The following AMHR2 variants were observed in gnomAD, a reference collection of about 807,000 sequenced individuals.
AMHR2 encodes the protein anti-Muellerian hormone type-2 receptor.
A neutral mutation model predicts 61.4 loss-of-function variants in AMHR2; 36 were observed. The observed-to-expected ratio is 0.59, with a 90% confidence interval of 0.45 to 0.77. AMHR2 has a LOEUF of 0.77. AMHR2 is among the 30% of genes least tolerant of loss of function. The pLI is 0.00. For synonymous variants in AMHR2, 258 were observed against 279.4 expected (o/e 0.92, Z 0.76); for missense variants, 638 against 714.6 (o/e 0.89, Z 1.22).
chr12:53,425,754 C>T lies in AMHR2; in HGVS notation c.687C>T (p.Ile229=). ...AGCTGCAAGGAAAACTGGTTGCCAT[C>T]AAGGCCTTCCCACCGAGGTCTGTGG... ...AGQLQGKLVA[I]KAFPPRSVAQ... The change falls in exon 6 of 11, where the codon ATC becomes ATT. Residue 229 remains isoleucine, a synonymous_variant. Coordinates refer to ENST00000257863, the MANE Select transcript of AMHR2 (RefSeq NM_020547.3). The T allele has an allele frequency of 6.2e-7, 1 of 1,614,140 alleles. No homozygotes were observed. Among genetic ancestry groups the T allele is most frequent in the East Asian group, 2.2e-5 (1 of 44,876 alleles).
chr12:53,430,766 G>A, intron 10 of AMHR2: 1 of 357,002 alleles, frequency 2.8e-6, no homozygotes, highest in South Asian at 2.8e-5. Flanking sequence ...CACAGTGAAA[G>A]TTCAGGGCTT....
rs553240253 is a variant in AMHR2 at position 53,424,399 on chromosome 12, G to A, written c.161G>A (p.Arg54His). 32 of 1,613,600 alleles carry A rather than the reference G, an allele frequency of 2.0e-5. No homozygotes were observed. Among genetic ancestry groups the A allele is most frequent in the African/African-American group, 6.7e-5 (5 of 75,020 alleles). The stretch of plus-strand genomic sequence containing the variant: ...GGCACAGAGCTCCCCAGAGCTATCC[G>A]CTGCCTCTACAGCCGCTGCTGCTTT... ...DTGTELPRAI[R>H]CLYSRCCFGI... The change falls in exon 2 of 11, where the codon CGC becomes CAC. Residue 54 changes from arginine (R) to histidine (H), a missense_variant. Physicochemically the swap from Arg to His is conservative, Grantham distance 29 (BLOSUM62 0). Coordinates refer to ENST00000257863, the MANE Select transcript of AMHR2 (RefSeq NM_020547.3).
chr12:53,425,012 G>A (rs1565831953), intron 3 of AMHR2, 112 bp downstream of exon 3: 1 of 1,562,738 alleles, frequency 6.4e-7, no homozygotes, highest in African/African-American at 1.4e-5. Flanking sequence ...TCCTCCTCCT[G>A]GCCTTGGGAA....
chr12:53,426,043 A>T, intron 6 of AMHR2, 124 bp downstream of exon 6: 1 of 1,085,330 alleles, frequency 9.2e-7, no homozygotes, highest in East Asian at 2.6e-5. Flanking sequence ...CTAAAACATT[A>T]AAAATGGCCA....
intron 6 of AMHR2, among the ~76,000 whole-genome samples, chr12:53,427,846 G>A (rs1939747574): frequency 6.6e-6 from 1 of 152,172 alleles, no homozygotes; most frequent in African/African-American, 2.4e-5. Context: ...TCATCATCGT[G>A]TCTATTGCCT....
rs767532300 is a variant in AMHR2 at position 53,429,428 on chromosome 12, C to T, written c.968-25C>T. 14 of 1,601,122 alleles carry T rather than the reference C, an allele frequency of 8.7e-6. No homozygotes were observed. The South Asian group carries it at 1.4e-4, about 16-fold the overall frequency. On this transcript the variant is annotated intron_variant, in intron 7 of 10. Coordinates refer to ENST00000257863, the MANE Select transcript of AMHR2 (RefSeq NM_020547.3). ...AAGAGGGAGGAAGAAAATCCATGTT[C>T]CTTCAACCTTGGATTCCCCCACAGG...
chr12:53,425,985 A>G, intron 6 of AMHR2, 66 bp downstream of exon 6: 2 of 1,469,188 alleles, frequency 1.4e-6, no homozygotes. Flanking sequence ...TGGGGGCTAC[A>G]TGGCAGCTGG....
intron 4 of AMHR2, 66 bp from the exon 5 acceptor site, chr12:53,425,389 C>T: frequency 1.2e-6 from 2 of 1,605,198 alleles, no homozygotes; most frequent in East Asian, 2.2e-5. Flanking sequence ...AGCTCCCTTT[C>T]CACGAAGTCC....
chr12:53,429,496 G>T lies in AMHR2; in HGVS notation c.1011G>T (p.Gln337His), dbSNP rs377172469. 3.7e-6 allele frequency: 6 copies of T among 1,613,780 alleles called. No homozygotes were observed. Among genetic ancestry groups the T allele is most frequent in the Admixed American group, 1.7e-5 (1 of 59,980 alleles). The change falls in exon 8 of 11, where the codon CAG becomes CAT. Residue 337 changes from glutamine (Q) to histidine (H), a missense_variant. Physicochemically the swap from Gln to His is conservative, Grantham distance 24. Transcript: ENST00000257863. ...TTGCCCACCGAGATCTGAGCAGCCA[G>T]AATGTGCTCATTCGGGAAGATGGAT... is the stretch of plus-strand genomic sequence containing the variant. ...PGIAHRDLSS[Q>H]NVLIREDGSC... is the part of the protein sequence containing the mutation.
intron 3 of AMHR2, 111 bp from the exon 4 acceptor site, chr12:53,425,054 G>C (rs557456960): frequency 3.1e-6 from 5 of 1,589,792 alleles, no homozygotes; most frequent in Non-Finnish European, 4.3e-6. Flanking sequence ...GAGATAAGGG[G>C]TCTTGTGACC....
chr12:53,428,360 G>A lies in AMHR2; in HGVS notation c.853-536G>A, dbSNP rs370723376. On this transcript the variant is annotated intron_variant, in intron 6 of 10. Coordinates refer to ENST00000257863, the MANE Select transcript of AMHR2 (RefSeq NM_020547.3). Reference sequence around the variant, plus strand: ...ACTCTGTTATCTACTGGCTCTGCCCGTCTATGTGTACACATGCCTGACACC... The same window carrying A: ...ACTCTGTTATCTACTGGCTCTGCCCATCTATGTGTACACATGCCTGACACC... Among the ~76,000 whole-genome samples the A allele has an allele frequency of 6.0e-4, 92 of 152,218 alleles. No homozygotes were observed. The East Asian group carries it at 8.3e-3, about 14-fold the overall frequency.
At chr12:53,429,710 G>A in intron 8 of AMHR2, 85 bp downstream of exon 8, 4 of 1,599,142 alleles carry the variant, frequency 2.5e-6, no homozygotes, top group Non-Finnish European at 1.7e-6. Flanking sequence ...AACAGTTGTA[G>A]CAATACCTAT....
rs1185895765 is a variant in AMHR2, at chr12:53,425,232, C to T, written c.492C>T (p.Ser164=). 2 of 1,613,706 alleles carry T rather than the reference C, an allele frequency of 1.2e-6. No individual in the cohort carries two copies. Among genetic ancestry groups the T allele is most frequent in the South Asian group, 1.1e-5 (1 of 91,080 alleles). The part of the protein sequence containing the change: ...LFLLLLLLLG[S]IILALLQRKN... ...TCCTCCTCCTGCTGCTGCTGGGCAG[C>T]ATCATCTTGGGTACTAATCCACCCC... Residue 164 remains serine, a synonymous_variant, in exon 4 of 11, where the codon AGC becomes AGT. Transcript: ENST00000257863.
chr12:53,424,130 G>C (rs973971659), intron 1 of AMHR2, 147 bp downstream of exon 1: 1 of 1,316,298 alleles, frequency 7.6e-7, no homozygotes, highest in Non-Finnish European at 1.1e-6. Context: ...CCATGGCAGG[G>C]CTCAGGTTCC....
chr12:53,430,324 G>A lies in AMHR2; in HGVS notation c.1425+42G>A. The stretch of plus-strand genomic sequence containing the variant: ...GTTGGTCTGGGAACCTGGAGAGTGG[G>A]GGCTGGGCATGGGCTTCAAGGACGT... On this transcript the variant is annotated intron_variant, in intron 10 of 10. Coordinates refer to ENST00000257863, the MANE Select transcript of AMHR2 (RefSeq NM_020547.3). 3 of 1,613,994 alleles carry A rather than the reference G, an allele frequency of 1.9e-6. No homozygotes were observed. In the Admixed American group the frequency reaches 5.0e-5, roughly 27 times the overall value.
At position 53,431,340 on chromosome 12, in the gene AMHR2, C is replaced by A; in HGVS notation, c.1589C>A (p.Pro530Gln). The A allele has an allele frequency of 6.2e-7, 1 of 1,614,236 alleles. No individual in the cohort carries two copies. The highest frequency in any genetic ancestry group is 8.5e-7 in the Non-Finnish European group (1 of 1,180,050). ...SCPRGCPPLC[P>Q]EDCTSIPAPT... Reference sequence around the variant, plus strand: ...CCACGTGGCTGCCCACCTCTCTGCCCAGAAGACTGTACTTCAATTCCTGCC... The same window carrying A: ...CCACGTGGCTGCCCACCTCTCTGCCAAGAAGACTGTACTTCAATTCCTGCC... The change falls in exon 11 of 11, where the codon CCA becomes CAA. Residue 530 changes from proline to glutamine, a missense_variant. By Grantham distance (76) the Pro-to-Gln change is moderately conservative. Coordinates refer to ENST00000257863, the MANE Select transcript of AMHR2 (RefSeq NM_020547.3).
chr12:53,424,023 C>G, intron 1 of AMHR2, 40 bp downstream of exon 1: 5 of 1,610,648 alleles, frequency 3.1e-6, no homozygotes, highest in Non-Finnish European at 3.4e-6. Flanking sequence ...CTCCATCCAT[C>G]CAGCAAGGGA....
At position 53,423,898 on chromosome 12, in the gene AMHR2, T is replaced by C. The variant is rs767078480; in HGVS notation, c.-37T>C. 1.9e-6 allele frequency: 3 copies of C among 1,613,108 alleles called. No homozygotes were observed. Among genetic ancestry groups the C allele is most frequent in the Non-Finnish European group, 8.5e-7 (1 of 1,179,308 alleles). ...GGCCAGGGGCAGCTGTGCTGGCTTA[T>C]GCTCTTCTCCTTCTGCTGCTGCCAT... is the stretch of plus-strand genomic sequence containing the variant. On this transcript the variant is annotated 5_prime_UTR_variant, in exon 1 of 11. The change abolishes an upstream ATG in the 5' untranslated region. Transcript: ENST00000257863.
chr12:53,425,466 C>T lies in AMHR2; in HGVS notation c.514C>T (p.Arg172Ter), dbSNP rs187803948. Residue 172 changes from arginine (R) to a stop codon, truncating the protein, a stop_gained, in exon 5 of 11, where the codon CGA becomes TGA. Transcript: ENST00000257863. LOFTEE classifies it high-confidence loss of function. ...CTTGTCTGTTCCAGCCCTGCTACAGCGAAAGAACTACAGAGTGCGAGGTGA... is the reference window on the plus strand; with the variant it reads ...CTTGTCTGTTCCAGCCCTGCTACAGTGAAAGAACTACAGAGTGCGAGGTGA... The part of the protein sequence containing the change: ...LGSIILALLQ[R>*]KNYRVRGEPV... 1.5e-5 allele frequency: 25 copies of T among 1,613,918 alleles called. No homozygotes were observed. Among genetic ancestry groups the T allele is most frequent in the Middle Eastern group, 1.6e-4 (1 of 6,062 alleles).
Sources: gnomAD v4.1 joint callset for allele counts (sites outside exome capture counted in the v4.1 genomes callset) on GRCh38, gnomAD v4.1.1 for gene constraint, MANE v1.5 for transcripts, NCBI Gene and HGNC (gene_info 2026-07-23, HGNC 2026-07-21) for gene names.